The following WWTR1 variants were observed in gnomAD, a reference collection of about 807,000 sequenced individuals.
The protein encoded by WWTR1 is WW domain-containing transcription regulator protein 1.
Under a neutral mutation model 40.1 loss-of-function variants are expected in WWTR1, and 13 were observed. The ratio of observed to expected loss-of-function variants is 0.32; its 90% CI spans 0.21 to 0.52. The LOEUF (loss-of-function observed/expected upper bound fraction) is 0.52, where lower values mean the gene tolerates loss of function less well. Ranked by LOEUF, WWTR1 falls within the 20% of genes least tolerant of loss-of-function variation. The pLI, the probability that WWTR1 is intolerant of heterozygous loss-of-function variation, is 0.97. For synonymous variants in WWTR1, 230 were observed against 210.1 expected, an observed-to-expected ratio of 1.09 and a Z score of -0.82; for missense variants, 436 against 523.1, an observed-to-expected ratio of 0.83 and a Z score of 1.63.
intron 2 of WWTR1, among the ~76,000 whole-genome samples, chr3:149,587,922 T>C (rs1182641035): frequency 6.6e-6 from 1 of 152,202 alleles, no homozygotes; most frequent in East Asian, 1.9e-4. Context: ...TAGACTTAAC[T>C]TGGTACCATC....
intron 1 of WWTR1, among the ~76,000 whole-genome samples, chr3:149,681,501 A>G (rs6805183): frequency 0.3 from 46,304 of 152,054 alleles, 7,417 homozygotes; most frequent in Admixed American, 0.39. Flanking sequence ...GTATATTCAA[A>G]TCCTTAGTCC....
rs531654839 is a variant in WWTR1 at position 149,598,439 on chromosome 3, A to T, written c.432-25439T>A. ...AGACTTGCCTGAAGCTACATAGCTC[A>T]TAAGTAAAAGAGTAGGAATTTGGAC... On this transcript the variant is annotated intron_variant, in intron 2 of 6. Transcript: ENST00000360632. 2.6e-5 allele frequency among the ~76,000 whole-genome samples: 4 copies of T among 152,372 alleles called. No individual in the cohort carries two copies. The South Asian group carries it at 8.3e-4, about 32-fold the overall frequency.
At chr3:149,582,584 A>T (rs1738203360) in intron 2 of WWTR1, among the ~76,000 whole-genome samples, 1 of 151,484 alleles carries the variant, frequency 6.6e-6, no homozygotes, top group Admixed American at 6.6e-5. Context: ...TCAAAATATG[A>T]GTCGGGCGTG....
chr3:149,559,395 A>C (rs1376305345), intron 3 of WWTR1, among the ~76,000 whole-genome samples: 1 of 152,080 alleles, frequency 6.6e-6, no homozygotes, highest in Non-Finnish European at 1.5e-5. Flanking sequence ...TGATGTCTCC[A>C]ACTTTGTCTC....
At chr3:149,710,589 T>G (rs1427907411) in intron 5 of WWTR1, among the ~76,000 whole-genome samples, 1 of 111,926 alleles carries the variant, frequency 8.9e-6, no homozygotes, top group African/African-American at 3.3e-5. Context: ...CCCCTTTTTT[T>G]TTTTTTTTGA....
At chr3:149,687,068 A>C (rs988256693) in intron 1 of WWTR1, among the ~76,000 whole-genome samples, 1 of 152,190 alleles carries the variant, frequency 6.6e-6, no homozygotes, top group African/African-American at 2.4e-5. Context: ...TGTTGCCTCT[A>C]GGCCCCAGGT....
chr3:149,533,753 T>C (rs1233285849), intron 4 of WWTR1, among the ~76,000 whole-genome samples: 2 of 152,148 alleles, frequency 1.3e-5, no homozygotes, highest in Non-Finnish European at 2.9e-5. Context: ...TGACAGTTTG[T>C]TCACCTGAAA....
At chr3:149,652,620 C>CAAAAAAAAAAA in intron 2 of WWTR1, among the ~76,000 whole-genome samples, 5 of 20,230 alleles carry the variant, frequency 2.5e-4, no homozygotes, top group Non-Finnish European at 4.0e-4. Flanking sequence ...GACCCCATCT[C>CAAAAAAAAAAA]AAAAAAAAAA....
chr3:149,630,189 T>A (rs60788209), intron 2 of WWTR1, among the ~76,000 whole-genome samples: 3,046 of 152,234 alleles, frequency 0.02, 69 homozygotes, highest in East Asian at 0.065. Context: ...GTGCGTTTTT[T>A]TCTTCTGTAA....
At chr3:149,550,788 C>G (rs1300268846) in intron 3 of WWTR1, among the ~76,000 whole-genome samples, 1 of 119,018 alleles carries the variant, frequency 8.4e-6, no homozygotes, top group African/African-American at 3.4e-5. Context: ...CTGACATTTT[C>G]CATAAGCACG....
At chr3:149,537,057 G>C (rs1735873128) in intron 4 of WWTR1, among the ~76,000 whole-genome samples, 1 of 152,194 alleles carries the variant, frequency 6.6e-6, no homozygotes, top group Non-Finnish European at 1.5e-5. Flanking sequence ...TGAGAAGCCT[G>C]TTTCTCAATG....
chr3:149,691,236 A>G (rs1386947861), intron 1 of WWTR1, among the ~76,000 whole-genome samples: 4 of 152,060 alleles, frequency 2.6e-5, no homozygotes, highest in Non-Finnish European at 5.9e-5. Context: ...CAAATAAACA[A>G]CTTAATGATG....
intron 3 of WWTR1, among the ~76,000 whole-genome samples, chr3:149,559,514 A>G (rs1052989801): frequency 2.6e-5 from 4 of 152,158 alleles, no homozygotes; most frequent in African/African-American, 9.6e-5. Flanking sequence ...AGATCTGGGG[A>G]AAAGGTATAT....
At chr3:149,704,033 AG>A (rs1715269862), upstream of WWTR1, among the ~76,000 whole-genome samples, 2 of 152,312 alleles carry the variant, frequency 1.3e-5, no homozygotes, top group South Asian at 4.1e-4. Context: ...GCTGGAGTGC[AG>A]TGGCATGATC....
At chr3:149,639,993 CAAAAAAA>C (rs1215330406) in intron 2 of WWTR1, among the ~76,000 whole-genome samples, 2 of 76,314 alleles carry the variant, frequency 2.6e-5, no homozygotes, top group Non-Finnish European at 5.0e-5. Context: ...GACTCCGTCT[CAAAAAAA>C]AAAAAAAAAA....
In WWTR1 at chr3:149,629,176, T is replaced by C. The variant is rs565801920; in HGVS notation, c.431+27700A>G. 7.8e-4 allele frequency among the ~76,000 whole-genome samples: 118 copies of C among 152,222 alleles called. 1 individual carries two copies. Among genetic ancestry groups the C allele is most frequent in the Non-Finnish European group, 1.2e-3 (80 of 68,036 alleles). On this transcript the variant is annotated intron_variant, in intron 2 of 6. Coordinates refer to ENST00000360632, the MANE Select transcript of WWTR1 (RefSeq NM_015472.6). ...ATGAGTTTAAGAGGAAAAAAAGTTA[T>C]TTCCCAACTCCTACTGGAAAGACCT...
chr3:149,710,666 G>A (rs1291973301), intron 5 of WWTR1, among the ~76,000 whole-genome samples: 3 of 129,008 alleles, frequency 2.3e-5, no homozygotes, highest in African/African-American at 6.0e-5. Context: ...TACAACCTCC[G>A]CCTCCCAGGT....
intron 4 of WWTR1, among the ~76,000 whole-genome samples, chr3:149,718,111 G>A: frequency 6.6e-6 from 1 of 152,004 alleles, no homozygotes; most frequent in Non-Finnish European, 1.5e-5. Flanking sequence ...CAAGTTACCA[G>A]ACCCCAGAGA....
At chr3:149,666,151 C>G (rs149851062) in intron 2 of WWTR1, among the ~76,000 whole-genome samples, 1 of 152,166 alleles carries the variant, frequency 6.6e-6, no homozygotes, top group Non-Finnish European at 1.5e-5. Flanking sequence ...CAAGCCACTG[C>G]TCTTCCTTGT....
Sources: gnomAD v4.1 joint callset for allele counts (sites outside exome capture counted in the v4.1 genomes callset) on GRCh38, gnomAD v4.1.1 for gene constraint, MANE v1.5 for transcripts, NCBI Gene and HGNC (gene_info 2026-07-23, HGNC 2026-07-21) for gene names.